Variants in TRIT1 observed in about 807,000 individuals in gnomAD.
The protein encoded by TRIT1 is tRNA dimethylallyltransferase.
In TRIT1, 43 loss-of-function variants were observed where a neutral mutation model predicts 51.2. The observed-to-expected ratio is 0.84, with a 90% CI of 0.66 to 1.08. The LOEUF (loss-of-function observed/expected upper bound fraction) is 1.08. TRIT1 is among the 50% of genes least tolerant of loss of function. The probability of loss-of-function intolerance (pLI) is 0.00; values close to 1 mark genes in which losing one functional copy is unlikely to be tolerated. For missense variants in TRIT1, 528 were observed against 578.4 expected (o/e 0.91, Z 0.89); for synonymous variants, 184 against 203.9 (o/e 0.90, Z 0.83).
intron 1 of TRIT1, among the ~76,000 whole-genome samples, chr1:39,857,690 T>TA (rs1193005815): frequency 1.3e-5 from 2 of 151,948 alleles, no homozygotes; most frequent in African/African-American, 4.9e-5. Context: ...CCAGAATTAG[T>TA]AAAAACGAAT....
At position 39,883,331 on chromosome 1, in the gene TRIT1, G is replaced by A; in HGVS notation, c.161C>T (p.Ala54Val). ...GQRLGGEIVSADSMQVYEGLD... is the reference protein window; with the variant it reads ...GQRLGGEIVSVDSMQVYEGLD... Reference sequence around the variant, plus strand: ...GCACTGCCATACCTGCATGGAGTCAGCGCTGACGATCTCACCGCCGAGCCG... The same window carrying A: ...GCACTGCCATACCTGCATGGAGTCAACGCTGACGATCTCACCGCCGAGCCG... Residue 54 changes from alanine to valine, a missense_variant, in exon 1 of 11, where the codon GCT becomes GTT. Transcript: ENST00000316891. 1 of 1,608,104 alleles carries A rather than the reference G, an allele frequency of 6.2e-7. No homozygotes were observed. The highest frequency in any genetic ancestry group is 8.5e-7 in the Non-Finnish European group (1 of 1,177,774).
intron 9 of TRIT1, 67 bp downstream of exon 9, chr1:39,844,464 C>T: frequency 7.9e-7 from 1 of 1,269,182 alleles, no homozygotes; most frequent in South Asian, 1.2e-5. Context: ...AATATAGCAA[C>T]AAAGGTGTCA....
At chr1:39,862,929 T>C (rs1643332476) in intron 1 of TRIT1, 1 of 985,452 alleles carries the variant, frequency 1.0e-6, no homozygotes, top group African/African-American at 1.7e-5. Context: ...CAAAGGATAC[T>C]TGTGATCTGT....
At chr1:39,867,034 G>C (rs1643595745) in intron 1 of TRIT1, among the ~76,000 whole-genome samples, 1 of 152,186 alleles carries the variant, frequency 6.6e-6, no homozygotes, top group South Asian at 2.1e-4. Flanking sequence ...TGTTGAGTCA[G>C]TGTGATGAGA....
At chr1:39,880,026 T>A (rs1285298676) in intron 1 of TRIT1, among the ~76,000 whole-genome samples, 1 of 151,140 alleles carries the variant, frequency 6.6e-6, no homozygotes, top group Non-Finnish European at 1.5e-5. Flanking sequence ...AATACAAAAA[T>A]TAGCTGGGCC....
chr1:39,861,533 A>G (rs2124634690), intron 1 of TRIT1, among the ~76,000 whole-genome samples: 1 of 152,344 alleles, frequency 6.6e-6, no homozygotes, highest in Middle Eastern at 3.4e-3. Flanking sequence ...ATTATTCACA[A>G]TAGCCAAAAG....
At chr1:39,874,695 C>T (rs188058618) in intron 1 of TRIT1, among the ~76,000 whole-genome samples, 47 of 148,418 alleles carry the variant, frequency 3.2e-4, no homozygotes, top group African/African-American at 1.1e-3. Flanking sequence ...GATGGAGTTT[C>T]GCTCTTGTTG....
Position 39,857,379 on chromosome 1 carries a change from A to T in TRIT1, c.213T>A (p.Ser71=), listed in dbSNP as rs762508001. Residue 71 remains serine (S), a synonymous_variant, in exon 2 of 11, where the codon TCT becomes TCA. Coordinates refer to ENST00000316891, the MANE Select transcript of TRIT1 (RefSeq NM_017646.6). ...EGLDIITNKV[S]AQEQRICRHH... is the part of the protein sequence containing the mutation. ...GCCGGCAGATTCTCTGCTCTTGGGC[A>T]GAAACCTTGTTGGTGATGATGTCTA... The T allele has an allele frequency of 6.2e-7, 1 of 1,614,216 alleles. No homozygotes were observed. The highest frequency in any genetic ancestry group is 1.1e-5 in the South Asian group (1 of 91,084).
chr1:39,839,728 CT>C lies in TRIT1; in HGVS notation c.*2015del, dbSNP rs984179122. 1.3e-5 allele frequency among the ~76,000 whole-genome samples: 2 copies of C among 151,448 alleles called. No homozygotes were observed. Among genetic ancestry groups the C allele is most frequent in the East Asian group, 1.9e-4 (1 of 5,188 alleles). The stretch of plus-strand genomic sequence containing the variant: ...GTAAGTGCTTCATAAATATTAGACA[CT>C]TTTTTTTTGGTAAAAAAGGCCTGAT... On this transcript the variant is annotated 3_prime_UTR_variant, in exon 11 of 11. Coordinates refer to ENST00000316891, the MANE Select transcript of TRIT1 (RefSeq NM_017646.6).
In TRIT1 at chr1:39,844,238, A is replaced by T. The variant is rs1429571470; in HGVS notation, c.1117-20T>A. The T allele has an allele frequency of 7.7e-6, 12 of 1,557,102 alleles. No homozygotes were observed. Among genetic ancestry groups the T allele is most frequent in the Non-Finnish European group, 4.4e-6 (5 of 1,128,792 alleles). ...GTGGCCCTAAAAGAACAAGGGTGGAAGGGAGTATTCAATTCAAAGAGATCT... is the reference window on the plus strand; with the variant it reads ...GTGGCCCTAAAAGAACAAGGGTGGATGGGAGTATTCAATTCAAAGAGATCT... On this transcript the variant is annotated intron_variant, in intron 9 of 10. Transcript: ENST00000316891.
Position 39,867,525 on chromosome 1 carries a change from GA to G in TRIT1, c.175-10109del, listed in dbSNP as rs752886615. Among the ~76,000 whole-genome samples the G allele has an allele frequency of 6.7e-5, 10 of 149,964 alleles. No individual in the cohort carries two copies. The East Asian group carries it at 1.2e-3, about 17-fold the overall frequency. On this transcript the variant is annotated intron_variant, in intron 1 of 10. Coordinates refer to ENST00000316891, the MANE Select transcript of TRIT1 (RefSeq NM_017646.6). The stretch of plus-strand genomic sequence containing the variant: ...GAAGTATCAATCTTACTAGGTAGCA[GA>G]AAAAAAAAATTGAAACATTTTTACA...
Position 39,844,638 on chromosome 1 carries a change from G to A in TRIT1, c.1009C>T (p.Pro337Ser), listed in dbSNP as rs1642123658. 6.2e-7 allele frequency: 1 copy of A among 1,610,338 alleles called. No homozygotes were observed. The highest frequency in any genetic ancestry group is 1.1e-5 in the South Asian group (1 of 91,014). ...TAGACAGGGGGGACAATGGGACCAG[G>A]TCCTAATGATGACAAAGAAAGGTTG... is the stretch of plus-strand genomic sequence containing the variant. ...RWVKNRFLSR[P>S]GPIVPPVYGL... The change falls in exon 9 of 11, where the codon CCT becomes TCT. Residue 337 changes from proline to serine, a missense_variant and splice_region_variant. By Grantham distance (74) the Pro-to-Ser change is moderately conservative. This residue lies in a region of TRIT1 where 468 missense variants were observed against 522.6 expected (regional missense o/e 0.90). Transcript: ENST00000316891.
At chr1:39,880,988 C>A (rs925196421) in intron 1 of TRIT1, among the ~76,000 whole-genome samples, 1 of 151,822 alleles carries the variant, frequency 6.6e-6, no homozygotes, top group Non-Finnish European at 1.5e-5. Flanking sequence ...GAGGCTGGAG[C>A]GGGTGGATCA....
In TRIT1 at chr1:39,875,285, C is replaced by T. The variant is rs796340859; in HGVS notation, c.174+8033G>A. Among the ~76,000 whole-genome samples the T allele has an allele frequency of 6.6e-5, 10 of 152,098 alleles. No homozygotes were observed. The South Asian group carries it at 1.0e-3, about 16-fold the overall frequency. On this transcript the variant is annotated intron_variant, in intron 1 of 10. Transcript: ENST00000316891. The stretch of plus-strand genomic sequence containing the variant: ...TGGGCAGATCACGAGGTCAGGAGTT[C>T]GAGACCAGCCTGACCAACATGGTGA...
In TRIT1 at chr1:39,844,083, C is replaced by T. The variant is rs748983159; in HGVS notation, c.1234+18G>A. 1 of 1,579,236 alleles carries T rather than the reference C, an allele frequency of 6.3e-7. No individual in the cohort carries two copies. Among genetic ancestry groups the T allele is most frequent in the Non-Finnish European group, 8.7e-7 (1 of 1,148,990 alleles). ...ACCCACCCTTATAGATTTCTTCATG[C>T]CCCTCCCCATACTCTACCTGCCCAT... On this transcript the variant is annotated intron_variant, in intron 10 of 10. Transcript: ENST00000316891.
Position 39,882,417 on chromosome 1 carries a change from G to T in TRIT1, c.174+901C>A, listed in dbSNP as rs548591252. ...ATGTTCAACATCTCATTTACTCTGT[G>T]AAGACTCATAACTGTAAATTCTCCT... On this transcript the variant is annotated intron_variant, in intron 1 of 10. Transcript: ENST00000316891. Among the ~76,000 whole-genome samples the T allele has an allele frequency of 5.9e-5, 9 of 152,288 alleles. No individual in the cohort carries two copies. The East Asian group carries it at 1.7e-3, about 29-fold the overall frequency.
Position 39,848,067 on chromosome 1 carries a change from T to C in TRIT1, c.734A>G (p.Asp245Gly). 1.9e-6 allele frequency: 3 copies of C among 1,614,164 alleles called. No homozygotes were observed. Among genetic ancestry groups the C allele is most frequent in the Non-Finnish European group, 2.5e-6 (3 of 1,180,032 alleles). Residue 245 changes from aspartate (D) to glycine (G), a missense_variant, in exon 6 of 11, where the codon GAT becomes GGT. Around this residue, in one of 3 missense-constraint regions of TRIT1, gnomAD observed 468 missense variants for 522.6 expected, o/e 0.90. Coordinates refer to ENST00000316891, the MANE Select transcript of TRIT1 (RefSeq NM_017646.6). ...VLDERLDKRVDDMLAAGLLEE... is the reference protein window; with the variant it reads ...VLDERLDKRVGDMLAAGLLEE... ...CAAGAGCCCAGCAGCAAGCATGTCA[T>C]CCACCCTCTTATCCAAGCGCTCATC...
chr1:39,869,082 TCTCCCC>T (rs1643718199), intron 1 of TRIT1, among the ~76,000 whole-genome samples: 2 of 150,104 alleles, frequency 1.3e-5, no homozygotes, highest in South Asian at 2.2e-4. Context: ...TCCCTCTCCC[TCTCCCC>T]CTCCCCCTCC....
intron 1 of TRIT1, among the ~76,000 whole-genome samples, chr1:39,870,513 T>TAAAA (rs60334518): frequency 1.5e-3 from 116 of 78,752 alleles, no homozygotes; most frequent in East Asian, 9.1e-3. Flanking sequence ...CAATAAATAC[T>TAAAA]AAAAAAAAAA....
Sources: gnomAD v4.1 joint callset for allele counts (sites outside exome capture counted in the v4.1 genomes callset) on GRCh38, gnomAD v4.1.1 for gene constraint, gnomAD v4.1.1 regional missense constraint, MANE v1.5 for transcripts, NCBI Gene and HGNC (gene_info 2026-07-23, HGNC 2026-07-21) for gene names.